SCARA3: variants seen among roughly 807,000 people sequenced by gnomAD.
SCARA3 encodes cellular stress response gene protein.
SCARA3 carries 39 observed loss-of-function variants against 47.0 expected under a neutral mutation model. The observed-to-expected ratio is 0.83, with a 90% CI of 0.64 to 1.08. The LOEUF (loss-of-function observed/expected upper bound fraction) is 1.08, where lower values mean the gene tolerates loss of function less well. Among genes scored for constraint, SCARA3 ranks in the 50% least tolerant of loss-of-function variants. SCARA3 has a pLI of 0.00. For missense variants in SCARA3, 724 were observed against 792.3 expected (o/e 0.91, Z 1.04); for synonymous variants, 356 against 334.1 (o/e 1.07, Z -0.71).
chr8:27,707,755 A>G, the SCARA3 span, among the ~76,000 whole-genome samples: 1 of 151,972 alleles, frequency 6.6e-6, no homozygotes, highest in African/African-American at 2.4e-5. Flanking sequence ...TAAAAGGCCT[A>G]AAATGTAGGA....
At chr8:27,693,643 G>A in the SCARA3 span, among the ~76,000 whole-genome samples, 1 of 152,156 alleles carries the variant, frequency 6.6e-6, no homozygotes, top group South Asian at 2.1e-4. Context: ...ATGGAAGTGG[G>A]GGTTGGACAT....
chr8:27,671,657 C>T lies in SCARA3; in HGVS notation c.*306C>T, dbSNP rs376883027. On this transcript the variant is annotated 3_prime_UTR_variant, in exon 6 of 6. Transcript: ENST00000301904. ...ATACATGCATGCACACACACATGCA[C>T]GCACACACACATGCACACATACACG... 0.03 allele frequency: 33,272 copies of T among 1,105,274 alleles called. 571 individuals carry two copies. Among genetic ancestry groups the T allele is most frequent in the Non-Finnish European group, 0.033 (30,199 of 902,792 alleles). The allele number at this position is 1,105,274 out of a possible 1,614,324, so 68.5% of individuals were successfully genotyped here.
Position 27,658,911 on chromosome 8 carries a change from C to G in SCARA3, c.741C>G (p.Thr247=). The part of the protein sequence containing the change: ...IQRKTDEETL[T]LQKIVTDWQN... ...GGAAGACAGACGAGGAGACCCTGAC[C>G]CTCCAGAAGATTGTCACCGACTGGC... is the stretch of plus-strand genomic sequence containing the variant. Residue 247 remains threonine (T), a synonymous_variant, in exon 5 of 6, where the codon ACC becomes ACG. Coordinates refer to ENST00000301904, the MANE Select transcript of SCARA3 (RefSeq NM_016240.3). 6.2e-7 allele frequency: 1 copy of G among 1,614,174 alleles called. No homozygotes were observed. The highest frequency in any genetic ancestry group is 1.1e-5 in the South Asian group (1 of 91,078).
the SCARA3 span, among the ~76,000 whole-genome samples, chr8:27,732,707 A>AT: frequency 6.6e-6 from 1 of 152,034 alleles, no homozygotes; most frequent in Non-Finnish European, 1.5e-5. Context: ...ACCCCAGAAC[A>AT]CTAGCAGCTA....
In SCARA3 at chr8:27,637,558, G is replaced by A. The variant is rs34951159; in HGVS notation, c.7+3351G>A. ...GGTCCCTGAGGCCCAAGAGCTCTGC[G>A]CCTGAGCACCACTTGGGGAGCGGAA... On this transcript the variant is annotated intron_variant, in intron 1 of 5. Transcript: ENST00000301904. Among the ~76,000 whole-genome samples the A allele has an allele frequency of 6.6e-3, 1,008 of 152,226 alleles. 16 individuals carry two copies. The highest frequency in any genetic ancestry group is 0.022 in the African/African-American group (900 of 41,542).
At chr8:27,646,344 G>C (rs1563402552) in intron 1 of SCARA3, among the ~76,000 whole-genome samples, 3 of 152,228 alleles carry the variant, frequency 2.0e-5, no homozygotes, top group Non-Finnish European at 4.4e-5. Flanking sequence ...TAATCTGGGG[G>C]GCTGTCCATT....
At chr8:27,731,965 G>A in the SCARA3 span, among the ~76,000 whole-genome samples, 1 of 152,150 alleles carries the variant, frequency 6.6e-6, no homozygotes, top group African/African-American at 2.4e-5. Flanking sequence ...TCTTCACCAA[G>A]GGTCAAAAAG....
chr8:27,727,074 C>A, the SCARA3 span, among the ~76,000 whole-genome samples: 1 of 152,168 alleles, frequency 6.6e-6, no homozygotes, highest in Non-Finnish European at 1.5e-5. Context: ...CCGCGCCCAG[C>A]CGACAGCATT....
At chr8:27,723,935 C>T in the SCARA3 span, among the ~76,000 whole-genome samples, 1 of 152,130 alleles carries the variant, frequency 6.6e-6, no homozygotes, top group South Asian at 2.1e-4. Context: ...AGGGTTTCAC[C>T]ACGTTGGCCA....
At chr8:27,716,905 C>G in the SCARA3 span, among the ~76,000 whole-genome samples, 1 of 152,108 alleles carries the variant, frequency 6.6e-6, no homozygotes, top group South Asian at 2.1e-4. Context: ...TGTGAAACCT[C>G]GTAGGGCATG....
chr8:27,637,437 G>A (rs1585268637), intron 1 of SCARA3, among the ~76,000 whole-genome samples: 4 of 152,356 alleles, frequency 2.6e-5, no homozygotes, highest in Admixed American at 2.6e-4. Context: ...CAAGACACAG[G>A]CTGGTGCACC....
At position 27,671,072 on chromosome 8, in the gene SCARA3, C is replaced by A. The variant is rs760795690; in HGVS notation, c.1542C>A (p.Gly514=). 1 of 1,611,562 alleles carries A rather than the reference C, an allele frequency of 6.2e-7. No homozygotes were observed. Among genetic ancestry groups the A allele is most frequent in the Non-Finnish European group, 8.5e-7 (1 of 1,179,150 alleles). The change falls in exon 6 of 6, where the codon GGC becomes GGA. Residue 514 remains glycine (G), a synonymous_variant. Coordinates refer to ENST00000301904, the MANE Select transcript of SCARA3 (RefSeq NM_016240.3). Reference sequence around the variant, plus strand: ...CTGTGGGAGAAAGGGGCCCTGTTGGCCCTCGAGGGTTCCCAGGCCTCAAAG... The same window carrying A: ...CTGTGGGAGAAAGGGGCCCTGTTGGACCTCGAGGGTTCCCAGGCCTCAAAG... The part of the protein sequence containing the change: ...AGPVGERGPV[G]PRGFPGLKGS...
At chr8:27,683,115 C>T in the SCARA3 span, among the ~76,000 whole-genome samples, 1 of 152,048 alleles carries the variant, frequency 6.6e-6, no homozygotes, top group Non-Finnish European at 1.5e-5. Flanking sequence ...GAATAAGTAA[C>T]ATTAGACACA....
rs1318230145 is a variant in SCARA3 at position 27,658,557 on chromosome 8, C to T, written c.387C>T (p.Ile129=). 6.2e-7 allele frequency: 1 copy of T among 1,614,054 alleles called. No individual in the cohort carries two copies. The highest frequency in any genetic ancestry group is 1.3e-5 in the African/African-American group (1 of 75,052). The change falls in exon 5 of 6, where the codon ATC becomes ATT. Residue 129 remains isoleucine (I), a synonymous_variant. Coordinates refer to ENST00000301904, the MANE Select transcript of SCARA3 (RefSeq NM_016240.3). ...CHEAGQLGPE[I]RKLQEELEGI... ...AAGCTGGGCAGCTGGGGCCAGAGAT[C>T]CGAAAACTGCAGGAGGAGCTGGAGG...
chr8:27,710,310 G>C, the SCARA3 span, among the ~76,000 whole-genome samples: 2 of 151,344 alleles, frequency 1.3e-5, no homozygotes, highest in Non-Finnish European at 2.9e-5. Flanking sequence ...TATCTTTATA[G>C]TGTGGGGCCA....
downstream of SCARA3, among the ~76,000 whole-genome samples, chr8:27,675,355 G>T (rs188567408): frequency 3.0e-4 from 45 of 152,376 alleles, no homozygotes; most frequent in East Asian, 8.5e-3. Flanking sequence ...GGCTGGGCTG[G>T]CAAGCCTTGA....
the SCARA3 span, among the ~76,000 whole-genome samples, chr8:27,692,194 T>C: frequency 5.9e-5 from 9 of 151,942 alleles, no homozygotes; most frequent in Non-Finnish European, 7.4e-5. Context: ...GCACTTTGGG[T>C]GGATCACCTG....
At chr8:27,731,168 C>T in the SCARA3 span, among the ~76,000 whole-genome samples, 1 of 150,194 alleles carries the variant, frequency 6.7e-6, no homozygotes, top group Non-Finnish European at 1.5e-5. Context: ...GGTGCTATCA[C>T]AGCTCACTGC....
intron 1 of SCARA3, among the ~76,000 whole-genome samples, chr8:27,639,171 C>T (rs1585270170): frequency 6.6e-6 from 1 of 152,258 alleles, no homozygotes; most frequent in East Asian, 1.9e-4. Context: ...TTGCCCCAGC[C>T]CACACTTTTC....
Sources: gnomAD v4.1 joint callset for allele counts (sites outside exome capture counted in the v4.1 genomes callset) on GRCh38, gnomAD v4.1.1 for gene constraint, MANE v1.5 for transcripts, NCBI Gene and HGNC (gene_info 2026-07-23, HGNC 2026-07-21) for gene names.